KCNIP4: variants seen among roughly 807,000 people sequenced by gnomAD.
The protein encoded by KCNIP4 is potassium voltage-gated channel interacting protein 4, also known as Kv channel-interacting protein 4.
A neutral mutation model predicts 34.0 loss-of-function variants in KCNIP4; 12 were observed. The ratio of observed to expected loss-of-function variants is 0.35; its 90% CI spans 0.23 to 0.57. KCNIP4 has a LOEUF of 0.57. Among genes scored for constraint, KCNIP4 ranks in the 20% least tolerant of loss-of-function variants. The pLI is 0.83. For missense variants in KCNIP4, 238 were observed against 311.7 expected, an observed-to-expected ratio of 0.76 and a Z score of 1.78; for synonymous variants, 124 against 102.2, an observed-to-expected ratio of 1.21 and a Z score of -1.29.
chr4:21,052,938 G>C (rs960219496), intron 1 of KCNIP4, among the ~76,000 whole-genome samples: 3 of 151,960 alleles, frequency 2.0e-5, no homozygotes, highest in Admixed American at 6.6e-5. Context: ...GACAGAGGGG[G>C]AGAAGAAGTG....
chr4:21,000,083 G>A (rs960783407), intron 1 of KCNIP4, among the ~76,000 whole-genome samples: 5 of 152,114 alleles, frequency 3.3e-5, no homozygotes, highest in Non-Finnish European at 5.9e-5. Context: ...CCCTTCCTAC[G>A]TCCCTTGTCT....
At chr4:21,560,099 A>G (rs1739393405) in intron 1 of KCNIP4, among the ~76,000 whole-genome samples, 1 of 152,066 alleles carries the variant, frequency 6.6e-6, no homozygotes, top group South Asian at 2.1e-4. Flanking sequence ...CCCCTGGAGA[A>G]CTAATTCATA....
At chr4:21,582,749 A>G (rs1480051535) in intron 1 of KCNIP4, among the ~76,000 whole-genome samples, 1 of 151,956 alleles carries the variant, frequency 6.6e-6, no homozygotes, top group African/African-American at 2.4e-5. Flanking sequence ...TAAATAAACT[A>G]TGAACACTGG....
At chr4:21,285,370 T>A (rs1427151497) in intron 1 of KCNIP4, among the ~76,000 whole-genome samples, 1 of 152,194 alleles carries the variant, frequency 6.6e-6, no homozygotes, top group Non-Finnish European at 1.5e-5. Context: ...CTAATCACCA[T>A]ATGTTCCAAA....
At chr4:21,252,866 G>C (rs1036338259) in intron 1 of KCNIP4, among the ~76,000 whole-genome samples, 1 of 151,616 alleles carries the variant, frequency 6.6e-6, no homozygotes, top group South Asian at 2.1e-4. Context: ...AGAGCCTTGG[G>C]TCCCATCCTA....
At chr4:20,900,624 G>C (rs1220226613) in intron 1 of KCNIP4, among the ~76,000 whole-genome samples, 1 of 152,104 alleles carries the variant, frequency 6.6e-6, no homozygotes, top group South Asian at 2.1e-4. Context: ...CTGTCCCTGG[G>C]AGACAAGCAC....
At chr4:21,793,897 A>G (rs112821811) in intron 1 of KCNIP4, among the ~76,000 whole-genome samples, 6 of 152,206 alleles carry the variant, frequency 3.9e-5, no homozygotes, top group African/African-American at 1.2e-4. Context: ...ATGTCCATCA[A>G]TGATAGACTG....
chr4:21,524,295 T>A (rs1188757136), intron 1 of KCNIP4, among the ~76,000 whole-genome samples: 1 of 152,188 alleles, frequency 6.6e-6, no homozygotes, highest in Non-Finnish European at 1.5e-5. Context: ...ACTAAACAGA[T>A]GTTTTGGCTT....
chr4:21,181,184 C>T (rs891698929), intron 1 of KCNIP4, among the ~76,000 whole-genome samples: 4 of 152,092 alleles, frequency 2.6e-5, no homozygotes, highest in African/African-American at 7.2e-5. Flanking sequence ...GACATTTAAG[C>T]TGAGTCTTAC....
intron 3 of KCNIP4, among the ~76,000 whole-genome samples, chr4:20,836,895 C>G (rs114650230): frequency 0.021 from 3,125 of 151,744 alleles, 41 homozygotes; most frequent in Non-Finnish European, 0.033. Flanking sequence ...ATTGGATGTA[C>G]CATAATTTAC....
chr4:20,944,678 G>C (rs1732011737), intron 1 of KCNIP4, among the ~76,000 whole-genome samples: 2 of 152,084 alleles, frequency 1.3e-5, no homozygotes, highest in Non-Finnish European at 2.9e-5. Flanking sequence ...CATCGGCTTT[G>C]GGAAAACCAG....
chr4:21,042,024 A>G (rs753606200), intron 1 of KCNIP4, among the ~76,000 whole-genome samples: 1 of 152,190 alleles, frequency 6.6e-6, no homozygotes, highest in Non-Finnish European at 1.5e-5. Context: ...ATGTGCAAGC[A>G]GCCAGCACAA....
At chr4:21,143,709 CT>C (rs57796174) in intron 1 of KCNIP4, among the ~76,000 whole-genome samples, 42,491 of 146,948 alleles carry the variant, frequency 0.29, 5,965 homozygotes, top group Non-Finnish European at 0.3. Context: ...ATCACAGTTT[CT>C]TTTTTTTTTT....
intron 1 of KCNIP4, among the ~76,000 whole-genome samples, chr4:21,408,756 C>T (rs1724224804): frequency 6.6e-6 from 1 of 152,180 alleles, no homozygotes. Context: ...CAGAAGGAAG[C>T]CTGGTGTGAT....
intron 1 of KCNIP4, among the ~76,000 whole-genome samples, chr4:21,037,953 A>T (rs10010010): frequency 0.046 from 3,759 of 81,782 alleles, 148 homozygotes; most frequent in African/African-American, 0.15. Flanking sequence ...ACAAACATAC[A>T]AAATGCTGGG....
chr4:21,582,993 G>C (rs527423086), intron 1 of KCNIP4, among the ~76,000 whole-genome samples: 1 of 151,326 alleles, frequency 6.6e-6, no homozygotes, highest in African/African-American at 2.4e-5. Flanking sequence ...CTCATAAATC[G>C]GGCCTTTAAC....
At chr4:21,084,216 C>A (rs1236290185) in intron 1 of KCNIP4, among the ~76,000 whole-genome samples, 1 of 150,016 alleles carries the variant, frequency 6.7e-6, no homozygotes. Flanking sequence ...ATCAGCGTAT[C>A]CTAACTAGAA....
chr4:21,113,454 T>TAAAA (rs1560734441), intron 1 of KCNIP4, among the ~76,000 whole-genome samples: 3 of 55,660 alleles, frequency 5.4e-5, no homozygotes, highest in South Asian at 6.8e-4. Flanking sequence ...ATCTATAAGT[T>TAAAA]TAAAAAAAAA....
At chr4:21,117,408 C>A (rs1749791991) in intron 1 of KCNIP4, among the ~76,000 whole-genome samples, 1 of 147,304 alleles carries the variant, frequency 6.8e-6, no homozygotes, top group Middle Eastern at 3.3e-3. Context: ...AGTGAATGGA[C>A]AATTGAATGC....
Sources: allele counts gnomAD v4.1 joint callset (sites outside exome capture counted in the v4.1 genomes callset), GRCh38; gene constraint gnomAD v4.1.1; transcripts MANE v1.5; gene names NCBI Gene and HGNC (gene_info 2026-07-23, HGNC 2026-07-21).